Variants in ANKRD61 observed in about 807,000 individuals in gnomAD.
ANKRD61 encodes the protein ankyrin repeat domain-containing protein 61.
In ANKRD61, 7 loss-of-function variants were observed where a neutral mutation model predicts 8.4. The ratio of observed to expected loss-of-function variants is 0.84; its 90% confidence interval spans 0.48 to 1.57. The LOEUF (loss-of-function observed/expected upper bound fraction) is 1.57, where lower values mean the gene tolerates loss of function less well. Among genes scored for constraint, ANKRD61 ranks in the 40% most tolerant of loss-of-function variants. The pLI is 0.00. For missense variants in ANKRD61, 516 were observed against 523.4 expected, an observed-to-expected ratio of 0.99 and a Z score of 0.14; for synonymous variants, 198 against 208.0, an observed-to-expected ratio of 0.95 and a Z score of 0.41.
Position 6,031,439 on chromosome 7 carries a change from G to C in ANKRD61, c.64G>C (p.Asp22His). Residue 22 changes from aspartate to histidine, a missense_variant, in exon 1 of 3, where the codon GAT becomes CAT. Physicochemically the swap from Asp to His is moderately conservative, Grantham distance 81 (BLOSUM62 -1). Coordinates refer to ENST00000409061, the MANE Select transcript of ANKRD61 (RefSeq NM_001271700.2). Reference sequence around the variant, plus strand: ...GGTTGACAGTGCCAAGTCCCTGGAAGATGGCCCATCTGCAGCACTTCACTC... The same window carrying C: ...GGTTGACAGTGCCAAGTCCCTGGAACATGGCCCATCTGCAGCACTTCACTC... ...LVVDSAKSLE[D>H]GPSAALHSKL... is the part of the protein sequence containing the mutation. 1 of 1,550,816 alleles carries C rather than the reference G, an allele frequency of 6.4e-7. No individual in the cohort carries two copies. The highest frequency in any genetic ancestry group is 1.2e-5 in the South Asian group (1 of 84,060).
chr7:6,034,234 G>A (rs903246427), intron 2 of ANKRD61, among the ~76,000 whole-genome samples: 6 of 151,964 alleles, frequency 3.9e-5, no homozygotes, highest in African/African-American at 1.5e-4. Flanking sequence ...TTGAACCCGT[G>A]AGGCAGCAGT....
chr7:6,031,991 G>A (rs1422124588), intron 1 of ANKRD61, among the ~76,000 whole-genome samples: 1 of 152,108 alleles, frequency 6.6e-6, no homozygotes, highest in Non-Finnish European at 1.5e-5. Flanking sequence ...CTGGCCAGCA[G>A]GGCAAAACCC....
At chr7:6,034,137 T>A (rs950164548) in intron 2 of ANKRD61, among the ~76,000 whole-genome samples, 3 of 151,204 alleles carry the variant, frequency 2.0e-5, no homozygotes, top group Non-Finnish European at 4.4e-5. Context: ...TGAAACCTCA[T>A]CTCTACTAAA....
rs1429813148 is a variant in ANKRD61 at position 6,035,129 on chromosome 7, T to C, written c.315-315T>C. ...ACAGCCCTAGCGGGGACGGCACAGG[T>C]AAAACAGGCTGCTCCAAGAAGCTGG... On this transcript the variant is annotated intron_variant, in intron 2 of 2. Coordinates refer to ENST00000409061, the MANE Select transcript of ANKRD61 (RefSeq NM_001271700.2). The surrounding 1 kb of genome is among the most constrained non-coding windows in gnomAD (Gnocchi z 5.5). Among the ~76,000 whole-genome samples the C allele has an allele frequency of 6.6e-6, 1 of 151,758 alleles. No homozygotes were observed. The highest frequency in any genetic ancestry group is 2.4e-5 in the African/African-American group (1 of 41,262).
In ANKRD61 at chr7:6,032,829, C is replaced by A. The variant is rs1583480071; in HGVS notation, c.217-10C>A. ...GGCCACTTGTAATGTGTTTTGTTTT[C>A]CCTCCAAAGCCGACAGAGTCTATCA... On this transcript the variant is annotated splice_polypyrimidine_tract_variant and intron_variant, in intron 1 of 2. Transcript: ENST00000409061. The surrounding 1 kb of genome is among the most constrained non-coding windows in gnomAD (Gnocchi z 4.3). 1 of 1,548,752 alleles carries A rather than the reference C, an allele frequency of 6.5e-7. No individual in the cohort carries two copies. Among genetic ancestry groups the A allele is most frequent in the East Asian group, 2.4e-5 (1 of 40,906 alleles).
At position 6,036,331 on chromosome 7, in the gene ANKRD61, C is replaced by T. The variant is rs1483817216; in HGVS notation, c.1202C>T (p.Pro401Leu). 6.5e-7 allele frequency: 1 copy of T among 1,538,922 alleles called. No individual in the cohort carries two copies. The highest frequency in any genetic ancestry group is 8.7e-7 in the Non-Finnish European group (1 of 1,142,998). ...AAACAGCACTTGAAGCAATTCCTCCCAGTGACAATATGGAATTCTGTCTAC... is the reference window on the plus strand; with the variant it reads ...AAACAGCACTTGAAGCAATTCCTCCTAGTGACAATATGGAATTCTGTCTAC... ...KYKQHLKQFL[P>L]VTIWNSVYCC... Residue 401 changes from proline to leucine, a missense_variant, in exon 3 of 3, where the codon CCA becomes CTA. Transcript: ENST00000409061. The surrounding 1 kb of genome is among the most constrained non-coding windows in gnomAD (Gnocchi z 4.6).
In ANKRD61 at chr7:6,035,250, GCATCCCACCA is replaced by G. The variant is rs1413712334; in HGVS notation, c.315-185_315-176del. Among the ~76,000 whole-genome samples, 1 of 152,056 alleles carries G rather than the reference GCATCCCACCA, an allele frequency of 6.6e-6. No homozygotes were observed. The highest frequency in any genetic ancestry group is 2.4e-5 in the African/African-American group (1 of 41,408). On this transcript the variant is annotated intron_variant, in intron 2 of 2. Transcript: ENST00000409061. This position sits in a 1 kb window ranked among gnomAD's most constrained non-coding sequence, Gnocchi z 5.5. The stretch of plus-strand genomic sequence containing the variant: ...AAGCTAGGCCCCATCACGTAGTGAT[GCATCCCACCA>G]CATCCCACGAAAAACCCTGGGATAG...
Position 6,033,230 on chromosome 7 carries a change from A to T in ANKRD61, c.314+294A>T, listed in dbSNP as rs1787968327. Among the ~76,000 whole-genome samples, 1 of 152,090 alleles carries T rather than the reference A, an allele frequency of 6.6e-6. No individual in the cohort carries two copies. The highest frequency in any genetic ancestry group is 2.1e-4 in the South Asian group (1 of 4,820). On this transcript the variant is annotated intron_variant, in intron 2 of 2. Transcript: ENST00000409061. The surrounding 1 kb of genome is among the most constrained non-coding windows in gnomAD (Gnocchi z 4.4). ...GTGATCCACCTGCCTCGGCCTCCCA[A>T]AGTGCTGGGATTAACAGCCCTCAGC...
Position 6,036,310 on chromosome 7 carries a change from A to T in ANKRD61, c.1181A>T (p.Gln394Leu). ...IRNIYGEKYK[Q>L]HLKQFLPVTI... is the part of the protein sequence containing the mutation. Reference sequence around the variant, plus strand: ...AATATTTATGGTGAGAAATACAAACAGCACTTGAAGCAATTCCTCCCAGTG... The same window carrying T: ...AATATTTATGGTGAGAAATACAAACTGCACTTGAAGCAATTCCTCCCAGTG... Residue 394 changes from glutamine to leucine, a missense_variant, in exon 3 of 3, where the codon CAG (glutamine) becomes CTG (leucine). Gln to Leu is a moderately radical substitution (Grantham distance 113). Coordinates refer to ENST00000409061, the MANE Select transcript of ANKRD61 (RefSeq NM_001271700.2). This position sits in a 1 kb window ranked among gnomAD's most constrained non-coding sequence, Gnocchi z 4.6. 1 of 1,546,056 alleles carries T rather than the reference A, an allele frequency of 6.5e-7. No individual in the cohort carries two copies.
Position 6,031,543 on chromosome 7 carries a change from C to A in ANKRD61, c.168C>A (p.Pro56=). The A allele has an allele frequency of 6.4e-7, 1 of 1,550,756 alleles. No homozygotes were observed. Residue 56 remains proline (P), a synonymous_variant, in exon 1 of 3, where the codon CCC becomes CCA. Transcript: ENST00000409061. ...VLLRNHPVNQ[P]ITILPNSASN... ...TGAGAAATCACCCTGTCAACCAGCC[C>A]ATCACCATTCTGCCCAACTCCGCCA... is the stretch of plus-strand genomic sequence containing the variant.
At chr7:6,034,044 G>T (rs998226560) in intron 2 of ANKRD61, among the ~76,000 whole-genome samples, 4 of 151,370 alleles carry the variant, frequency 2.6e-5, no homozygotes, top group African/African-American at 9.7e-5. Context: ...TAGGCCGGGC[G>T]CGGTGGCTCA....
rs1403968085 is a variant in ANKRD61, at chr7:6,031,548, C to A, written c.173C>A (p.Thr58Asn). ...AATCACCCTGTCAACCAGCCCATCA[C>A]CATTCTGCCCAACTCCGCCAGCAAC... The part of the protein sequence containing the change: ...LRNHPVNQPI[T>N]ILPNSASNRL... Residue 58 changes from threonine to asparagine, a missense_variant, in exon 1 of 3, where the codon ACC becomes AAC. Physicochemically the swap from Thr to Asn is moderately conservative, Grantham distance 65. Transcript: ENST00000409061. 1 of 1,550,788 alleles carries A rather than the reference C, an allele frequency of 6.4e-7. No homozygotes were observed. Among genetic ancestry groups the A allele is most frequent in the Admixed American group, 2.0e-5 (1 of 50,986 alleles).
chr7:6,035,814 T>C lies in ANKRD61; in HGVS notation c.685T>C (p.Cys229Arg). 6.5e-7 allele frequency: 1 copy of C among 1,550,192 alleles called. No homozygotes were observed. Residue 229 changes from cysteine (C) to arginine (R), a missense_variant, in exon 3 of 3, where the codon TGT (cysteine) becomes CGT (arginine). By Grantham distance (180) the Cys-to-Arg change is radical. Transcript: ENST00000409061. The surrounding 1 kb of genome is among the most constrained non-coding windows in gnomAD (Gnocchi z 5.5). ...TLIAYGANVN[C>R]AVSSTGNTPL... ...CATTGCCTATGGAGCAAACGTCAAC[T>C]GTGCTGTCTCTTCCACGGGGAACAC...
chr7:6,032,083 A>G lies in ANKRD61; in HGVS notation c.216+492A>G, dbSNP rs1465962940. ...CAGCTACTCGGACGGCTGAGGCAGG[A>G]GAATTGCTTGAACCCAGGAGGCAGA... On this transcript the variant is annotated intron_variant, in intron 1 of 2. Coordinates refer to ENST00000409061, the MANE Select transcript of ANKRD61 (RefSeq NM_001271700.2). This position sits in a 1 kb window ranked among gnomAD's most constrained non-coding sequence, Gnocchi z 4.3. Among the ~76,000 whole-genome samples the G allele has an allele frequency of 2.0e-5, 3 of 152,178 alleles. No individual in the cohort carries two copies. The highest frequency in any genetic ancestry group is 2.9e-5 in the Non-Finnish European group (2 of 68,038).
In ANKRD61 at chr7:6,035,565, A is replaced by G. The variant is rs1788053730; in HGVS notation, c.436A>G (p.Ile146Val). The G allele has an allele frequency of 1.3e-6, 2 of 1,551,110 alleles. No individual in the cohort carries two copies. Among genetic ancestry groups the G allele is most frequent in the African/African-American group, 1.4e-5 (1 of 73,028 alleles). Residue 146 changes from isoleucine (I) to valine (V), a missense_variant, in exon 3 of 3, where the codon ATC (isoleucine) becomes GTC (valine). Transcript: ENST00000409061. The surrounding 1 kb of genome is among the most constrained non-coding windows in gnomAD (Gnocchi z 5.5). ...CCTGACAGACATTCAGAATAGCAGC[A>G]TCACATGTCTCCGCATCTTGTGTGC... is the stretch of plus-strand genomic sequence containing the variant. The part of the protein sequence containing the change: ...RILTDIQNSS[I>V]TCLRILCAHG...
chr7:6,032,844 A>G lies in ANKRD61; in HGVS notation c.222A>G (p.Thr74=). The G allele has an allele frequency of 1.3e-6, 2 of 1,550,890 alleles. No individual in the cohort carries two copies. Among genetic ancestry groups the G allele is most frequent in the Non-Finnish European group, 1.7e-6 (2 of 1,146,894 alleles). The change falls in exon 2 of 3, where the codon ACA becomes ACG. Residue 74 remains threonine (T), a synonymous_variant. Transcript: ENST00000409061. The surrounding 1 kb of genome is among the most constrained non-coding windows in gnomAD (Gnocchi z 4.3). ...GTTTTGTTTTCCCTCCAAAGCCGAC[A>G]GAGTCTATCATCCCCATCCATCTGG... ...ASNRLLLTQP[T]ESIIPIHLAA... is the part of the protein sequence containing the mutation.
rs929707737 is a variant in ANKRD61 at position 6,036,069 on chromosome 7, C to G, written c.940C>G (p.Pro314Ala). 3 of 1,550,840 alleles carry G rather than the reference C, an allele frequency of 1.9e-6. No homozygotes were observed. The highest frequency in any genetic ancestry group is 2.6e-6 in the Non-Finnish European group (3 of 1,147,120). Residue 314 changes from proline to alanine, a missense_variant, in exon 3 of 3, where the codon CCA (proline) becomes GCA (alanine). Physicochemically the swap from Pro to Ala is conservative, Grantham distance 27. Transcript: ENST00000409061. The surrounding 1 kb of genome is among the most constrained non-coding windows in gnomAD (Gnocchi z 4.6). Reference sequence around the variant, plus strand: ...CATTTTAACAAGAAACGGGGAATCTCCAATTTATATGTACCTTCAGCGCAG... The same window carrying G: ...CATTTTAACAAGAAACGGGGAATCTGCAATTTATATGTACCTTCAGCGCAG... ...VNILTRNGESPIYMYLQRSCN... is the reference protein window; with the variant it reads ...VNILTRNGESAIYMYLQRSCN...
In ANKRD61 at chr7:6,035,403, A is replaced by G. The variant is rs996277771; in HGVS notation, c.315-41A>G. 14 of 1,515,268 alleles carry G rather than the reference A, an allele frequency of 9.2e-6. No homozygotes were observed. Among genetic ancestry groups the G allele is most frequent in the Non-Finnish European group, 1.2e-5 (14 of 1,120,598 alleles). The allele number at this position is 1,515,268 out of a possible 1,614,324, so 93.9% of individuals were successfully genotyped here. ...TAACTGTCCACGTAGAGCCGTTCCC[A>G]CTGTGAATTCAGTGTAACGTGTAAT... On this transcript the variant is annotated intron_variant, in intron 2 of 2. Transcript: ENST00000409061. The surrounding 1 kb of genome is among the most constrained non-coding windows in gnomAD (Gnocchi z 5.5).
At position 6,035,338 on chromosome 7, in the gene ANKRD61, G is replaced by T; in HGVS notation, c.315-106G>T. 1 of 1,092,190 alleles carries T rather than the reference G, an allele frequency of 9.2e-7. No homozygotes were observed. The highest frequency in any genetic ancestry group is 1.7e-5 in the South Asian group (1 of 60,586). The allele number at this position is 1,092,190 out of a possible 1,614,324, so 67.7% of individuals were successfully genotyped here. A position where few individuals can be genotyped will look rare whatever the true frequency, so the allele number is the denominator to read the frequency against. The stretch of plus-strand genomic sequence containing the variant: ...TTTGAAACACGTCCTTAAGGTAATT[G>T]AAGGGTCTTACTTTAAATAAATACT... On this transcript the variant is annotated intron_variant, in intron 2 of 2. Coordinates refer to ENST00000409061, the MANE Select transcript of ANKRD61 (RefSeq NM_001271700.2). The surrounding 1 kb of genome is among the most constrained non-coding windows in gnomAD (Gnocchi z 5.5).
Sources: allele counts gnomAD v4.1 joint callset (sites outside exome capture counted in the v4.1 genomes callset), GRCh38; gene constraint gnomAD v4.1.1; non-coding constraint Gnocchi (gnomAD v3.1); transcripts MANE v1.5; gene names NCBI Gene and HGNC (gene_info 2026-07-23, HGNC 2026-07-21).